The following NAT1 variants were observed in gnomAD, a reference collection of about 807,000 sequenced individuals.
NAT1 encodes the protein arylamine N-acetyltransferase 1.
For synonymous variants in NAT1, 144 were observed against 122.6 expected (o/e 1.17, Z -1.16); for missense variants, 400 against 339.2 (o/e 1.18, Z -1.41).
intron 2 of NAT1, among the ~76,000 whole-genome samples, chr8:18,174,769 C>T (rs1294258915): frequency 6.6e-6 from 1 of 152,040 alleles, no homozygotes; most frequent in Non-Finnish European, 1.5e-5. Context: ...CTCTATAACT[C>T]TGGGCAAACC....
chr8:18,176,603 G>GTTT (rs141707231), intron 2 of NAT1, among the ~76,000 whole-genome samples: 1 of 150,072 alleles, frequency 6.7e-6, no homozygotes, highest in Non-Finnish European at 1.5e-5. Context: ...TTTTTGTTTT[G>GTTT]TTTTGTTTTT....
At chr8:18,184,583 A>T (rs1204644053) in intron 2 of NAT1, among the ~76,000 whole-genome samples, 1 of 152,232 alleles carries the variant, frequency 6.6e-6, no homozygotes, top group Admixed American at 6.5e-5. Context: ...ATAATAATCA[A>T]GAATAACAAT....
At chr8:18,177,094 T>C (rs1802324110) in intron 2 of NAT1, among the ~76,000 whole-genome samples, 2 of 152,084 alleles carry the variant, frequency 1.3e-5, no homozygotes, top group African/African-American at 4.8e-5. Flanking sequence ...TTGATCACTT[T>C]TAACAGTTTT....
At chr8:18,196,171 A>G (rs1803224475) in intron 2 of NAT1, among the ~76,000 whole-genome samples, 1 of 152,108 alleles carries the variant, frequency 6.6e-6, no homozygotes, top group South Asian at 2.1e-4. Flanking sequence ...GCTGGTCTCA[A>G]ACTCCTGATC....
At chr8:18,221,209 G>C (rs1805255414) in intron 2 of NAT1, among the ~76,000 whole-genome samples, 1 of 151,432 alleles carries the variant, frequency 6.6e-6, no homozygotes, top group Non-Finnish European at 1.5e-5. Flanking sequence ...TTAAGGCCTT[G>C]TTATTTTCTG....
At position 18,222,431 on chromosome 8, in the gene NAT1, A is replaced by G. The variant is rs1589132370; in HGVS notation, c.384A>G (p.Ser128=). 1.9e-6 allele frequency: 3 copies of G among 1,614,148 alleles called. No homozygotes were observed. Among genetic ancestry groups the G allele is most frequent in the Non-Finnish European group, 2.5e-6 (3 of 1,180,014 alleles). The part of the protein sequence containing the change: ...NYIVDAGFGR[S]YQMWQPLELI... ...TTGTCGATGCTGGGTTTGGACGCTCATACCAGATGTGGCAGCCTCTGGAGT... is the reference window on the plus strand; with the variant it reads ...TTGTCGATGCTGGGTTTGGACGCTCGTACCAGATGTGGCAGCCTCTGGAGT... The change falls in exon 3 of 3, where the codon TCA becomes TCG. Residue 128 remains serine, a synonymous_variant. Transcript: ENST00000307719.
chr8:18,187,909 A>G lies in NAT1; in HGVS notation n.92+17170A>G, dbSNP rs1589065675. ...CTTTTAATCCATTTATTCCCTCTCA[A>G]TTTGTATGCTATTATCTTGTATCTT... is the stretch of plus-strand genomic sequence containing the variant. On this transcript the variant is annotated intron_variant and non_coding_transcript_variant, in intron 2 of 4. Transcript: ENST00000517441. Among the ~76,000 whole-genome samples the G allele has an allele frequency of 1.4e-5, 2 of 147,262 alleles. 1 individual carries two copies. The highest frequency in any genetic ancestry group is 4.1e-4 in the East Asian group (2 of 4,888).
chr8:18,176,593 TTTTTG>T (rs1802302933), intron 2 of NAT1, among the ~76,000 whole-genome samples: 2 of 137,128 alleles, frequency 1.5e-5, no homozygotes, highest in South Asian at 2.6e-4. Context: ...CCATGCTGTT[TTTTTG>T]TTTTGTTTTG....
At chr8:18,172,797 G>C (rs1224262556) in intron 2 of NAT1, among the ~76,000 whole-genome samples, 1 of 152,086 alleles carries the variant, frequency 6.6e-6, no homozygotes, top group Non-Finnish European at 1.5e-5. Context: ...ACATATTTGA[G>C]ACATTGACTT....
intron 2 of NAT1, among the ~76,000 whole-genome samples, chr8:18,189,161 C>T (rs1264845257): frequency 6.6e-6 from 1 of 152,010 alleles, no homozygotes; most frequent in Non-Finnish European, 1.5e-5. Flanking sequence ...TAATTTGCTA[C>T]AGTTTTTTTC....
chr8:18,176,190 G>A (rs183524720), intron 2 of NAT1, among the ~76,000 whole-genome samples: 25 of 152,094 alleles, frequency 1.6e-4, no homozygotes, highest in Admixed American at 1.2e-3. Flanking sequence ...TTCTTTTGCC[G>A]TGCAGAAGTT....
chr8:18,202,750 G>C (rs1020267521), intron 2 of NAT1, among the ~76,000 whole-genome samples: 1 of 152,168 alleles, frequency 6.6e-6, no homozygotes, highest in African/African-American at 2.4e-5. Context: ...AGCTTACAAA[G>C]GTAGTGAGGA....
At chr8:18,182,609 A>G (rs1185970620) in intron 2 of NAT1, among the ~76,000 whole-genome samples, 2 of 152,170 alleles carry the variant, frequency 1.3e-5, no homozygotes, top group Admixed American at 1.3e-4. Flanking sequence ...TGAGCTCTCT[A>G]TTATTTCCTT....
intron 2 of NAT1, among the ~76,000 whole-genome samples, chr8:18,192,462 C>T (rs1428134933): frequency 1.3e-5 from 2 of 152,156 alleles, no homozygotes; most frequent in Non-Finnish European, 2.9e-5. Context: ...ACTACAAATA[C>T]CATGTGACCC....
At chr8:18,193,792 C>T (rs1803120515) in intron 2 of NAT1, among the ~76,000 whole-genome samples, 1 of 151,556 alleles carries the variant, frequency 6.6e-6, no homozygotes, top group Admixed American at 6.6e-5. Context: ...AGGTGCCTGC[C>T]ACCACACCCA....
intron 2 of NAT1, among the ~76,000 whole-genome samples, chr8:18,178,214 G>C (rs1802368612): frequency 6.6e-6 from 1 of 152,042 alleles, no homozygotes; most frequent in Non-Finnish European, 1.5e-5. Flanking sequence ...AGGAACCTCT[G>C]TTTAGCAACT....
intron 1 of NAT1, chr8:18,217,131 TC>T (rs766535316): frequency 1.6e-6 from 1 of 624,200 alleles, no homozygotes; most frequent in Non-Finnish European, 2.8e-6. Flanking sequence ...CCCTCTGGAG[TC>T]CCCATGATGA....
At chr8:18,184,841 A>T (rs1232648627) in intron 2 of NAT1, among the ~76,000 whole-genome samples, 1 of 152,068 alleles carries the variant, frequency 6.6e-6, no homozygotes, top group African/African-American at 2.4e-5. Flanking sequence ...CCTCTAGAAC[A>T]TTTCACCAGT....
intron 2 of NAT1, among the ~76,000 whole-genome samples, chr8:18,204,072 T>C (rs1310981512): frequency 1.3e-5 from 2 of 152,098 alleles, no homozygotes; most frequent in Non-Finnish European, 2.9e-5. Context: ...TCTAACCAAT[T>C]TGTGAGCCCT....
Sources: allele counts gnomAD v4.1 joint callset (sites outside exome capture counted in the v4.1 genomes callset), GRCh38; gene constraint gnomAD v4.1.1; transcripts MANE v1.5; gene names NCBI Gene and HGNC (gene_info 2026-07-23, HGNC 2026-07-21).